The following CDC42EP5 variants were observed in gnomAD, a reference collection of about 807,000 sequenced individuals.
CDC42EP5 encodes the protein CDC42 effector protein (Rho GTPase binding) 5.
For synonymous variants in CDC42EP5, 118 were observed against 123.3 expected, an observed-to-expected ratio of 0.96 and a Z score of 0.28; for missense variants, 269 against 238.0, an observed-to-expected ratio of 1.13 and a Z score of -0.86.
intron 2 of CDC42EP5, among the ~76,000 whole-genome samples, chr19:54,471,319 C>G (rs553858213): frequency 3.1e-4 from 47 of 152,248 alleles, no homozygotes; most frequent in African/African-American, 1.1e-3. Flanking sequence ...TCAGTCCCGG[C>G]CCCGCCAGGA....
chr19:54,465,219 G>A lies in CDC42EP5; in HGVS notation c.329C>T (p.Ala110Val), dbSNP rs78611575. Residue 110 changes from alanine (A) to valine (V), a missense_variant, in exon 3 of 3, where the codon GCG (alanine) becomes GTG (valine). Ala to Val is a moderately conservative substitution (Grantham distance 64). Transcript: ENST00000301200. ...CTTGGCGGCAGCCGCCTCCGGGCGC[G>A]CCGCGTCCATGACGCCCAGCACCGC... is the stretch of plus-strand genomic sequence containing the variant. The part of the protein sequence containing the change: ...LDAVLGVMDA[A>V]RPEAAAAKPD... 41,536 of 1,440,370 alleles carry A rather than the reference G, an allele frequency of 0.029. 782 individuals carry two copies. The highest frequency in any genetic ancestry group is 0.079 in the African/African-American group (5,304 of 67,306). The allele number at this position is 1,440,370 out of a possible 1,614,324, so 89.2% of individuals were successfully genotyped here.
intron 2 of CDC42EP5, among the ~76,000 whole-genome samples, chr19:54,467,954 A>G (rs909056157): frequency 6.6e-6 from 1 of 152,206 alleles, no homozygotes; most frequent in Non-Finnish European, 1.5e-5. Flanking sequence ...TGTTATCGCA[A>G]TAATAAAAAC....
chr19:54,467,766 G>A (rs1160608655), intron 2 of CDC42EP5, among the ~76,000 whole-genome samples: 4 of 152,072 alleles, frequency 2.6e-5, no homozygotes, highest in African/African-American at 7.2e-5. Flanking sequence ...CAGGTGATCC[G>A]CCTGCCTTGG....
In CDC42EP5 at chr19:54,465,067, TGCCGG is replaced by T; in HGVS notation, c.*29_*33del. 7.7e-7 allele frequency: 1 copy of T among 1,298,624 alleles called. No homozygotes were observed. Among genetic ancestry groups the T allele is most frequent in the Non-Finnish European group, 9.8e-7 (1 of 1,021,470 alleles). 80.4% of individuals were successfully genotyped at this position (1,298,624 alleles called of 1,614,324 possible). A position where few individuals can be genotyped will look rare whatever the true frequency, so the allele number is the denominator to read the frequency against. On this transcript the variant is annotated 3_prime_UTR_variant, in exon 3 of 3. Transcript: ENST00000301200. Reference sequence around the variant, plus strand: ...GCCGTTTATGTATACAGAAGTGGGGTGCCGGGCGGGAAGGGCGCGGGGAATGAGGG... The same window carrying T: ...GCCGTTTATGTATACAGAAGTGGGGTGCGGGAAGGGCGCGGGGAATGAGGG...
At chr19:54,468,091 A>C (rs1318391116) in intron 2 of CDC42EP5, among the ~76,000 whole-genome samples, 2 of 152,210 alleles carry the variant, frequency 1.3e-5, no homozygotes, top group Admixed American at 6.6e-5. Context: ...GATACATAGA[A>C]AAGTCTGATC....
chr19:54,465,613 A>AGGACGATGGG, intron 2 of CDC42EP5, 66 bp from the exon 3 acceptor site: 1 of 1,368,640 alleles, frequency 7.3e-7, no homozygotes, highest in Non-Finnish European at 9.4e-7. Context: ...GACTGCTCAA[A>AGGACGATGGG]GGACGATGGG....
Position 54,465,473 on chromosome 19 carries a change from C to A in CDC42EP5, c.75G>T (p.Ala25=). Residue 25 remains alanine, a synonymous_variant, in exon 3 of 3, where the codon GCG becomes GCT. Transcript: ENST00000301200. ...RPDRGALSIS[A]PLGDFRHTLH... Reference sequence around the variant, plus strand: ...GCGTGTGCCGGAAGTCGCCGAGCGGCGCGGAGATGGACAGGGCGCCGCGAT... The same window carrying A: ...GCGTGTGCCGGAAGTCGCCGAGCGGAGCGGAGATGGACAGGGCGCCGCGAT... 2 of 1,526,836 alleles carry A rather than the reference C, an allele frequency of 1.3e-6. No homozygotes were observed. Among genetic ancestry groups the A allele is most frequent in the Non-Finnish European group, 1.7e-6 (2 of 1,149,266 alleles). The allele number at this position is 1,526,836 out of a possible 1,614,324, so 94.6% of individuals were successfully genotyped here. A position where few individuals can be genotyped will look rare whatever the true frequency, so the allele number is the denominator to read the frequency against.
At chr19:54,472,493 G>T (rs1314577806) in intron 1 of CDC42EP5, among the ~76,000 whole-genome samples, 1 of 73,706 alleles carries the variant, frequency 1.4e-5, no homozygotes, top group Non-Finnish European at 2.5e-5. Flanking sequence ...CTCAGACCCA[G>T]GAGTCCAGAC....
At chr19:54,468,550 T>C (rs1215254431) in intron 2 of CDC42EP5, among the ~76,000 whole-genome samples, 5 of 152,052 alleles carry the variant, frequency 3.3e-5, no homozygotes, top group Admixed American at 3.3e-4. Flanking sequence ...AGAAACAAGA[T>C]TTGTCTTGTT....
At position 54,465,463 on chromosome 19, in the gene CDC42EP5, C is replaced by T. The variant is rs2084740815; in HGVS notation, c.85G>A (p.Asp29Asn). The T allele has an allele frequency of 2.6e-6, 4 of 1,517,632 alleles. No individual in the cohort carries two copies. Among genetic ancestry groups the T allele is most frequent in the Non-Finnish European group, 2.6e-6 (3 of 1,144,660 alleles). 94.0% of individuals were successfully genotyped at this position (1,517,632 alleles called of 1,614,324 possible). ...GALSISAPLG[D>N]FRHTLHVGRG... is the part of the protein sequence containing the mutation. ...CCCACGTGCAGCGTGTGCCGGAAGTCGCCGAGCGGCGCGGAGATGGACAGG... is the reference window on the plus strand; with the variant it reads ...CCCACGTGCAGCGTGTGCCGGAAGTTGCCGAGCGGCGCGGAGATGGACAGG... The change falls in exon 3 of 3, where the codon GAC becomes AAC. Residue 29 changes from aspartate to asparagine, a missense_variant. Transcript: ENST00000301200.
At chr19:54,468,110 C>T (rs114020257) in intron 2 of CDC42EP5, among the ~76,000 whole-genome samples, 1,585 of 152,186 alleles carry the variant, frequency 0.01, 29 homozygotes, top group African/African-American at 0.036. Context: ...TCAAAGAAAA[C>T]TATACTTGTA....
intron 2 of CDC42EP5, among the ~76,000 whole-genome samples, chr19:54,465,783 C>T (rs1466833514): frequency 6.6e-6 from 1 of 152,076 alleles, no homozygotes; most frequent in Non-Finnish European, 1.5e-5. Context: ...TTACAGGCAC[C>T]CGCCACCATA....
At chr19:54,468,887 G>GATTC (rs1250758129) in intron 2 of CDC42EP5, among the ~76,000 whole-genome samples, 131 of 45,038 alleles carry the variant, frequency 2.9e-3, no homozygotes, top group African/African-American at 7.0e-3. Context: ...TAGATACTCT[G>GATTC]ATTCCTTCCT....
chr19:54,468,126 G>A (rs2084780244), intron 2 of CDC42EP5, among the ~76,000 whole-genome samples: 1 of 152,134 alleles, frequency 6.6e-6, no homozygotes, highest in South Asian at 2.1e-4. Context: ...TTGTAATAGT[G>A]CTAACCAATG....
Position 54,465,398 on chromosome 19 carries a change from G to C in CDC42EP5, c.150C>G (p.Ser50Arg), listed in dbSNP as rs772600002. The C allele has an allele frequency of 7.8e-7, 1 of 1,281,954 alleles. No individual in the cohort carries two copies. The highest frequency in any genetic ancestry group is 3.8e-5 in the Admixed American group (1 of 26,418). 79.4% of individuals were successfully genotyped at this position (1,281,954 alleles called of 1,614,324 possible). ...GDAFGDTSFL[S>R]RHGGGPPPEP... Reference sequence around the variant, plus strand: ...CGGGGGGCGGCCCGCCGCCGTGGCGGCTCAGGAACGAGGTGTCCCCGAAGG... The same window carrying C: ...CGGGGGGCGGCCCGCCGCCGTGGCGCCTCAGGAACGAGGTGTCCCCGAAGG... Residue 50 changes from serine to arginine, a missense_variant, in exon 3 of 3, where the codon AGC (serine) becomes AGG (arginine). By Grantham distance (110) the Ser-to-Arg change is moderately radical (BLOSUM62 -1). Coordinates refer to ENST00000301200, the MANE Select transcript of CDC42EP5 (RefSeq NM_145057.4).
At position 54,465,184 on chromosome 19, in the gene CDC42EP5, C is replaced by G. The variant is rs982478568; in HGVS notation, c.364G>C (p.Glu122Gln). Residue 122 changes from glutamate to glutamine, a missense_variant, in exon 3 of 3, where the codon GAA becomes CAA. Transcript: ENST00000301200. ...PEAAAAKPDA[E>Q]PRPGTQPPQA... ...GGGGGCTGCGTCCCGGGGCGGGGTT[C>G]CGCGTCGGGCTTGGCGGCAGCCGCC... The G allele has an allele frequency of 2.1e-6, 3 of 1,427,770 alleles. No homozygotes were observed. Among genetic ancestry groups the G allele is most frequent in the Non-Finnish European group, 2.7e-6 (3 of 1,096,822 alleles). 88.4% of individuals were successfully genotyped at this position (1,427,770 alleles called of 1,614,324 possible). A position where few individuals can be genotyped will look rare whatever the true frequency, so the allele number is the denominator to read the frequency against.
In CDC42EP5 at chr19:54,470,525, G is replaced by A. The variant is rs537464534; in HGVS notation, c.-1+1020C>T. On this transcript the variant is annotated intron_variant, in intron 2 of 2. Coordinates refer to ENST00000301200, the MANE Select transcript of CDC42EP5 (RefSeq NM_145057.4). The stretch of plus-strand genomic sequence containing the variant: ...AAGGAGAAAGAAAGAAAGGAAAGAA[G>A]GAAGGAAGGAAGGAAAAAGAAAGAA... Among the ~76,000 whole-genome samples, 12 of 148,110 alleles carry A rather than the reference G, an allele frequency of 8.1e-5. No homozygotes were observed. In the East Asian group the frequency reaches 2.4e-3, roughly 29 times the overall value.
chr19:54,465,643 TTTTTTGA>T, intron 2 of CDC42EP5, 96 bp from the exon 3 acceptor site: 1 of 1,291,838 alleles, frequency 7.7e-7, no homozygotes, highest in South Asian at 1.9e-5. Flanking sequence ...CCGTTTTTTG[TTTTTTGA>T]TTTTTGTTTT....
At chr19:54,470,712 C>T (rs1013851002) in intron 2 of CDC42EP5, among the ~76,000 whole-genome samples, 1 of 152,132 alleles carries the variant, frequency 6.6e-6, no homozygotes, top group Non-Finnish European at 1.5e-5. Flanking sequence ...TACAGATGCG[C>T]GATGGCTGAG....
Sources: gnomAD v4.1 joint callset for allele counts (sites outside exome capture counted in the v4.1 genomes callset) on GRCh38, gnomAD v4.1.1 for gene constraint, MANE v1.5 for transcripts, NCBI Gene and HGNC (gene_info 2026-07-23, HGNC 2026-07-21) for gene names.